Variants in RBFOX1 observed in about 807,000 individuals in gnomAD.
The protein encoded by RBFOX1 is RNA binding protein fox-1 homolog 1.
In RBFOX1, 8 loss-of-function variants were observed where a neutral mutation model predicts 57.7. The ratio of observed to expected loss-of-function variants is 0.14; its 90% CI spans 0.08 to 0.25. The LOEUF (loss-of-function observed/expected upper bound fraction) is 0.25. RBFOX1 is among the 10% of genes least tolerant of loss of function. The pLI is 1.00. For missense variants in RBFOX1, 611 were observed against 548.5 expected, an observed-to-expected ratio of 1.11 and a Z score of -1.14; for synonymous variants, 326 against 222.4, an observed-to-expected ratio of 1.47 and a Z score of -4.15.
intron 1 of RBFOX1, among the ~76,000 whole-genome samples, chr16:5,437,266 A>G (rs1210790381): frequency 6.6e-6 from 1 of 152,248 alleles, no homozygotes; most frequent in African/African-American, 2.4e-5. Context: ...CAGGAACAGA[A>G]GAAAGCCAAA....
chr16:7,140,551 T>G (rs1026155589), intron 4 of RBFOX1, among the ~76,000 whole-genome samples: 10 of 152,150 alleles, frequency 6.6e-5, no homozygotes, highest in Non-Finnish European at 1.5e-4. Context: ...AGTGCATAAA[T>G]GAATGCATTG....
chr16:7,451,646 C>T (rs1252816577), intron 4 of RBFOX1, among the ~76,000 whole-genome samples: 1 of 152,074 alleles, frequency 6.6e-6, no homozygotes, highest in Non-Finnish European at 1.5e-5. Context: ...GAAATTAAAC[C>T]TACCTGTCTT....
intron 3 of RBFOX1, among the ~76,000 whole-genome samples, chr16:5,684,380 C>T (rs141248809): frequency 6.6e-6 from 1 of 152,126 alleles, no homozygotes; most frequent in Non-Finnish European, 1.5e-5. Context: ...AGATGGATGT[C>T]TCTGCTTCAC....
At chr16:7,273,889 T>C (rs2095389589) in intron 4 of RBFOX1, among the ~76,000 whole-genome samples, 1 of 152,240 alleles carries the variant, frequency 6.6e-6, no homozygotes, top group Non-Finnish European at 1.5e-5. Context: ...GTAAATGTAT[T>C]ATGTAATTCT....
chr16:5,450,799 C>T (rs943517438), intron 1 of RBFOX1, among the ~76,000 whole-genome samples: 2 of 152,080 alleles, frequency 1.3e-5, no homozygotes, highest in Admixed American at 6.6e-5. Flanking sequence ...CGTCTGGGAC[C>T]GCAGGGATTC....
chr16:7,064,962 G>A (rs554589591), intron 4 of RBFOX1, among the ~76,000 whole-genome samples: 105 of 152,282 alleles, frequency 6.9e-4, no homozygotes, highest in African/African-American at 2.0e-3. Flanking sequence ...TAGAGATGAT[G>A]TCCTTGGCTC....
intron 4 of RBFOX1, among the ~76,000 whole-genome samples, chr16:7,144,417 C>CTTCTTTTTTTTTTTTTTTTTTTTT (rs3046798): frequency 2.1e-4 from 14 of 66,914 alleles, no homozygotes; most frequent in East Asian, 4.7e-4. Context: ...TTTCTTTCTT[C>CTTCTTTTTTTTTTTTTTTTTTTTT]TTTTTTTTTT....
intron 14 of RBFOX1, among the ~76,000 whole-genome samples, chr16:7,699,512 G>A (rs1170550767): frequency 6.6e-6 from 1 of 152,158 alleles, no homozygotes; most frequent in Non-Finnish European, 1.5e-5. Context: ...TGTTTCAATG[G>A]TAAAAAGAGC....
Position 7,346,021 on chromosome 16 carries a change from C to T in RBFOX1, c.28-172126C>T, listed in dbSNP as rs373249772. ...GGCCCCGGTGTGTGATGTTCCCCTT[C>T]CTGTGTCCAAGTGTTCTCATTGTTC... On this transcript the variant is annotated intron_variant, in intron 4 of 15. Coordinates refer to ENST00000550418, the MANE Select transcript of RBFOX1 (RefSeq NM_018723.4). 1.1e-3 allele frequency among the ~76,000 whole-genome samples: 175 copies of T among 152,218 alleles called. 1 individual carries two copies. The highest frequency in any genetic ancestry group is 2.1e-3 in the South Asian group (10 of 4,820).
intron 1 of RBFOX1, among the ~76,000 whole-genome samples, chr16:6,234,661 A>C (rs1055816944): frequency 3.3e-5 from 5 of 152,216 alleles, no homozygotes; most frequent in African/African-American, 9.7e-5. Flanking sequence ...GTGGCATTGT[A>C]AACTTAAGTA....
intron 3 of RBFOX1, among the ~76,000 whole-genome samples, chr16:7,033,283 G>T (rs1321163494): frequency 2.6e-5 from 4 of 151,990 alleles, no homozygotes; most frequent in African/African-American, 9.7e-5. Flanking sequence ...ACTTTGGGAG[G>T]CCGAGGCGGG....
At chr16:7,420,028 T>C (rs78922582) in intron 4 of RBFOX1, among the ~76,000 whole-genome samples, 2,315 of 151,732 alleles carry the variant, frequency 0.015, 67 homozygotes, top group African/African-American at 0.054. Flanking sequence ...ATTAGTGATA[T>C]ATGTTGTCAC....
intron 1 of RBFOX1, among the ~76,000 whole-genome samples, chr16:6,250,190 A>T (rs189382428): frequency 3.3e-4 from 50 of 152,268 alleles, no homozygotes; most frequent in Admixed American, 2.3e-3. Context: ...ACCAGGCTAT[A>T]AGAGCAGGGA....
At chr16:6,940,432 C>T (rs143769571) in intron 3 of RBFOX1, among the ~76,000 whole-genome samples, 2 of 152,172 alleles carry the variant, frequency 1.3e-5, no homozygotes, top group Non-Finnish European at 2.9e-5. Flanking sequence ...TTAATCTTCT[C>T]TCTGTCCACA....
rs543009623 is a variant in RBFOX1, at chr16:5,720,964, G to A, written c.318+122003G>A. On this transcript the variant is annotated intron_variant, in intron 3 of 19. Coordinates refer to the RBFOX1 transcript ENST00000641259. ...CAGAGTCAGCTTGTCAATTTCAGCC[G>A]AAATGGCAAGTGAAAATTTGGTAGG... Among the ~76,000 whole-genome samples the A allele has an allele frequency of 8.5e-5, 13 of 152,240 alleles. No individual in the cohort carries two copies. In the South Asian group the frequency reaches 2.3e-3, roughly 27 times the overall value.
intron 1 of RBFOX1, among the ~76,000 whole-genome samples, chr16:5,290,051 T>A (rs1284107009): frequency 6.6e-6 from 1 of 152,192 alleles, no homozygotes; most frequent in Non-Finnish European, 1.5e-5. Context: ...TCAAAAGGAA[T>A]GAAGTACTAA....
chr16:6,990,896 T>C (rs527589426), intron 3 of RBFOX1, among the ~76,000 whole-genome samples: 1 of 152,144 alleles, frequency 6.6e-6, no homozygotes, highest in Non-Finnish European at 1.5e-5. Flanking sequence ...TGTCATTTTT[T>C]ATGATAGAAA....
intron 3 of RBFOX1, among the ~76,000 whole-genome samples, chr16:6,735,351 C>G (rs1049113743): frequency 2.0e-5 from 3 of 152,200 alleles, no homozygotes; most frequent in African/African-American, 7.2e-5. Context: ...TTAGTGCCGT[C>G]AGCTAGGGAG....
chr16:6,930,091 G>A (rs1163227219), intron 3 of RBFOX1, among the ~76,000 whole-genome samples: 8 of 152,110 alleles, frequency 5.3e-5, no homozygotes, highest in East Asian at 3.9e-4. Context: ...TGGTTTACTC[G>A]GCCTGCTCTT....
Sources: gnomAD v4.1 joint callset for allele counts (sites outside exome capture counted in the v4.1 genomes callset) on GRCh38, gnomAD v4.1.1 for gene constraint, MANE v1.5 for transcripts, NCBI Gene and HGNC (gene_info 2026-07-23, HGNC 2026-07-21) for gene names.